Variants in DMD observed in about 807,000 individuals in gnomAD.
DMD encodes dystrophin, also known as mutant dystrophin.
In DMD, 63 loss-of-function variants were observed where a neutral mutation model predicts 330.1. The ratio of observed to expected loss-of-function variants is 0.19; its 90% CI spans 0.16 to 0.24. DMD has a LOEUF of 0.24. DMD is among the 10% of genes least tolerant of loss of function. The probability of loss-of-function intolerance (pLI) is 1.00; values close to 1 mark genes in which losing one functional copy is unlikely to be tolerated. For synonymous variants in DMD, 1,223 were observed against 959.8 expected (o/e 1.27, Z -5.07); for missense variants, 3,344 against 2,684.1 (o/e 1.25, Z -5.43).
intron 27 of DMD, among the ~76,000 whole-genome samples, chrX:32,444,185 A>T (rs2098294037): frequency 9.0e-6 from 1 of 110,568 alleles, no homozygotes; most frequent in African/African-American, 3.3e-5. Flanking sequence ...GAAGTAGAAC[A>T]TCCCTAGCCA....
At position 33,309,778 on chromosome X, in the gene DMD, T is replaced by G. The variant is rs1007846753; in HGVS notation, c.7+29481A>C. The stretch of plus-strand genomic sequence containing the variant: ...ATTAGCCTAGATGAATATTATATTT[T>G]TATTACAAGTATGTGGTGTGATTAT... On this transcript the variant is annotated intron_variant, in intron 1 of 17. Coordinates refer to the DMD transcript ENST00000288447. Among the ~76,000 whole-genome samples the G allele has an allele frequency of 6.3e-5, 7 of 111,049 alleles. No homozygotes were observed. In the South Asian group the frequency reaches 1.9e-3, roughly 30 times the overall value.
intron 44 of DMD, among the ~76,000 whole-genome samples, chrX:32,175,541 C>A (rs2096903441): frequency 9.0e-6 from 1 of 110,806 alleles, no homozygotes; most frequent in Non-Finnish European, 1.9e-5. Context: ...GTTCGTGCCA[C>A]CTTTAAGAGC....
chrX:32,374,829 A>G (rs2097894931), intron 34 of DMD, among the ~76,000 whole-genome samples: 1 of 112,194 alleles, frequency 8.9e-6, no homozygotes, highest in African/African-American at 3.2e-5. Context: ...GTTACACAAT[A>G]CACCCATGTA....
chrX:33,283,886 CG>C (rs1433055792), intron 1 of DMD, among the ~76,000 whole-genome samples: 22 of 108,216 alleles, frequency 2.0e-4, no homozygotes, highest in African/African-American at 7.1e-4. Context: ...GGCATGGTGG[CG>C]GGCGCCTGTA....
chrX:31,228,653 C>T (rs2046912312), intron 63 of DMD, among the ~76,000 whole-genome samples: 1 of 111,636 alleles, frequency 9.0e-6, no homozygotes, highest in South Asian at 3.8e-4. Context: ...CCCCCCATTC[C>T]CGTGCCCCAT....
intron 9 of DMD, among the ~76,000 whole-genome samples, chrX:32,679,901 A>ATTTTTTTTTTTTTTTTTTT (rs1569447513): frequency 6.5e-5 from 2 of 30,950 alleles, no homozygotes; most frequent in African/African-American, 2.6e-4. Context: ...TAATATTTGT[A>ATTTTTTTTTTTTTTTTTTT]CTTTTTTTTT....
intron 7 of DMD, among the ~76,000 whole-genome samples, chrX:32,787,924 T>G (rs1355592996): frequency 1.8e-5 from 2 of 111,577 alleles, no homozygotes; most frequent in Non-Finnish European, 3.8e-5. Context: ...TGACATAACT[T>G]TAGCTACTGT....
intron 62 of DMD, among the ~76,000 whole-genome samples, chrX:31,286,617 A>G (rs187471127): frequency 7.2e-4 from 81 of 112,606 alleles, no homozygotes; most frequent in African/African-American, 2.5e-3. Flanking sequence ...AGAAATGCAG[A>G]ACATCATGTC....
chrX:33,083,993 C>T (rs1333288099), intron 1 of DMD, among the ~76,000 whole-genome samples: 7 of 111,655 alleles, frequency 6.3e-5, no homozygotes, highest in African/African-American at 2.3e-4. Context: ...CCAATCCAGA[C>T]ACCCCAAAAC....
intron 57 of DMD, among the ~76,000 whole-genome samples, chrX:31,482,479 G>C (rs2081586939): frequency 9.0e-6 from 1 of 111,258 alleles, no homozygotes; most frequent in Non-Finnish European, 1.9e-5. Flanking sequence ...GGAGAGATTA[G>C]GGGAAATGAG....
chrX:31,858,968 C>T (rs1464316573), intron 48 of DMD, among the ~76,000 whole-genome samples: 1 of 111,866 alleles, frequency 8.9e-6, no homozygotes, highest in Non-Finnish European at 1.9e-5. Context: ...ATCATAATTA[C>T]AAATTTAGAA....
In DMD at chrX:33,129,325, C is replaced by CTTTTTTTTTTT. The variant is rs58505662; in HGVS notation, c.31+81946_31+81956dup. Among the ~76,000 whole-genome samples, 106 of 30,724 alleles carry CTTTTTTTTTTT rather than the reference C, an allele frequency of 3.5e-3. 31 individuals are homozygous for CTTTTTTTTTTT. Among genetic ancestry groups the CTTTTTTTTTTT allele is most frequent in the Non-Finnish European group, 4.6e-3 (88 of 19,336 alleles). The allele number at this position is 30,724 out of a possible 115,157, so 26.7% of individuals were successfully genotyped here. On this transcript the variant is annotated intron_variant, in intron 1 of 78. Transcript: ENST00000357033. The stretch of plus-strand genomic sequence containing the variant: ...AATCCAGAGTTACAGTTAAGGTTTG[C>CTTTTTTTTTTT]TTTTTTTTTTTTTTTTTTTTTTTTT...
intron 50 of DMD, among the ~76,000 whole-genome samples, chrX:31,788,678 T>C (rs188790472): frequency 0.025 from 2,734 of 111,422 alleles, 85 homozygotes; most frequent in African/African-American, 0.084. Context: ...AGAAGTCCCC[T>C]ACTATTATTG....
At chrX:32,491,843 T>A (rs1022834957) in intron 19 of DMD, among the ~76,000 whole-genome samples, 3 of 111,928 alleles carry the variant, frequency 2.7e-5, no homozygotes. Context: ...GCTGGAAGGC[T>A]GCATGAACAA....
intron 16 of DMD, among the ~76,000 whole-genome samples, chrX:32,549,241 G>T (rs1309291070): frequency 9.0e-6 from 1 of 111,364 alleles, no homozygotes; most frequent in Non-Finnish European, 1.9e-5. Context: ...ATTTGGGGCT[G>T]GTTGGTTCTT....
At chrX:31,530,439 T>G (rs1448372364) in intron 55 of DMD, among the ~76,000 whole-genome samples, 2 of 111,468 alleles carry the variant, frequency 1.8e-5, no homozygotes, top group African/African-American at 6.5e-5. Context: ...CTGCCTTGTC[T>G]GCGGCTGTAT....
At chrX:32,521,816 C>T (rs1488048778) in intron 17 of DMD, among the ~76,000 whole-genome samples, 1 of 111,808 alleles carries the variant, frequency 8.9e-6, no homozygotes, top group South Asian at 3.8e-4. Context: ...CACAAAAGTT[C>T]GTATGTTGAA....
At chrX:32,928,356 C>T (rs2089274772) in intron 2 of DMD, among the ~76,000 whole-genome samples, 1 of 110,032 alleles carries the variant, frequency 9.1e-6, no homozygotes, top group Admixed American at 9.8e-5. Context: ...TTTGACCTCA[C>T]GCCACACTCT....
At chrX:31,761,010 C>T (rs1229186685) in intron 51 of DMD, among the ~76,000 whole-genome samples, 3 of 102,098 alleles carry the variant, frequency 2.9e-5, no homozygotes, top group African/African-American at 7.2e-5. Flanking sequence ...AGTAGCCTCC[C>T]GAGTAGCTGG....
Sources: gnomAD v4.1 joint callset for allele counts (sites outside exome capture counted in the v4.1 genomes callset) on GRCh38, gnomAD v4.1.1 for gene constraint, MANE v1.5 for transcripts, NCBI Gene and HGNC (gene_info 2026-07-23, HGNC 2026-07-21) for gene names.